The following KCNH7 variants were observed in gnomAD, a reference collection of about 807,000 sequenced individuals.
KCNH7 encodes voltage-gated inwardly rectifying potassium channel KCNH7.
A neutral mutation model predicts 120.8 loss-of-function variants in KCNH7; 49 were observed. The ratio of observed to expected loss-of-function variants is 0.41; its 90% CI spans 0.32 to 0.51. KCNH7 has a LOEUF of 0.51. Ranked by LOEUF, KCNH7 falls within the 20% of genes least tolerant of loss-of-function variation. The pLI, the probability that KCNH7 is intolerant of heterozygous loss-of-function variation, is 0.38. For synonymous variants in KCNH7, 547 were observed against 516.1 expected (o/e 1.06, Z -0.81); for missense variants, 1,097 against 1,446.6 (o/e 0.76, Z 3.92).
chr2:162,650,466 A>T (rs1472200942), intron 2 of KCNH7, among the ~76,000 whole-genome samples: 1 of 152,168 alleles, frequency 6.6e-6, no homozygotes, highest in Non-Finnish European at 1.5e-5. Flanking sequence ...GATATCTACA[A>T]AAGTATGAAA....
At chr2:162,743,509 T>C (rs1181803089) in intron 2 of KCNH7, among the ~76,000 whole-genome samples, 1 of 152,050 alleles carries the variant, frequency 6.6e-6, no homozygotes, top group Non-Finnish European at 1.5e-5. Flanking sequence ...AGCACAAACT[T>C]ACTAACAGAA....
intron 2 of KCNH7, among the ~76,000 whole-genome samples, chr2:162,803,583 T>C (rs1020505829): frequency 6.6e-6 from 1 of 151,700 alleles, no homozygotes; most frequent in Non-Finnish European, 1.5e-5. Context: ...TGAGATAATA[T>C]AGAACTTTAC....
chr2:162,696,933 A>G (rs1199255826), intron 2 of KCNH7, among the ~76,000 whole-genome samples: 19 of 152,172 alleles, frequency 1.2e-4, no homozygotes, highest in Admixed American at 1.2e-3. Flanking sequence ...ACAGGAAATC[A>G]TTTTATCTTG....
intron 2 of KCNH7, among the ~76,000 whole-genome samples, chr2:162,574,967 A>C (rs1693620811): frequency 1.3e-5 from 2 of 152,120 alleles, no homozygotes; most frequent in Admixed American, 6.6e-5. Flanking sequence ...TGTATGAGCT[A>C]TCCTTGGCAT....
At chr2:162,828,453 A>T (rs1685364539) in intron 2 of KCNH7, among the ~76,000 whole-genome samples, 1 of 152,140 alleles carries the variant, frequency 6.6e-6, no homozygotes, top group African/African-American at 2.4e-5. Context: ...TGGGCAACAG[A>T]CATTTTAACT....
At chr2:162,427,942 A>T (rs1036032153) in intron 8 of KCNH7, among the ~76,000 whole-genome samples, 3 of 151,618 alleles carry the variant, frequency 2.0e-5, no homozygotes, top group Non-Finnish European at 4.4e-5. Flanking sequence ...TATCAGTTTG[A>T]CTGATTTTAA....
At chr2:162,387,769 A>G (rs1444270895) in intron 12 of KCNH7, among the ~76,000 whole-genome samples, 1 of 151,774 alleles carries the variant, frequency 6.6e-6, no homozygotes, top group Admixed American at 6.6e-5. Flanking sequence ...TGTATTCAAG[A>G]GCATAGAATA....
intron 2 of KCNH7, among the ~76,000 whole-genome samples, chr2:162,597,804 T>A (rs1042124476): frequency 1.3e-5 from 2 of 152,094 alleles, no homozygotes; most frequent in African/African-American, 4.8e-5. Flanking sequence ...TTTCATTGTA[T>A]CCCATAAGTA....
chr2:162,802,386 T>A (rs1259828421), intron 2 of KCNH7, among the ~76,000 whole-genome samples: 2 of 151,776 alleles, frequency 1.3e-5, no homozygotes, highest in African/African-American at 4.8e-5. Context: ...TGAATTAGAA[T>A]CTTTAAGAGC....
intron 3 of KCNH7, among the ~76,000 whole-genome samples, chr2:162,527,572 C>G (rs1276779233): frequency 6.6e-6 from 1 of 151,706 alleles, no homozygotes; most frequent in Non-Finnish European, 1.5e-5. Flanking sequence ...AGTATTGAGT[C>G]CAAAGCATAT....
chr2:162,733,137 G>A (rs971329479), intron 2 of KCNH7, among the ~76,000 whole-genome samples: 3 of 152,072 alleles, frequency 2.0e-5, no homozygotes, highest in Non-Finnish European at 4.4e-5. Context: ...GCTATGAATC[G>A]ACAATCATCA....
Position 162,629,043 on chromosome 2 carries a change from C to A in KCNH7, c.308-91963G>T, listed in dbSNP as rs1172402671. Among the ~76,000 whole-genome samples the A allele has an allele frequency of 3.3e-5, 5 of 152,112 alleles. 1 individual carries two copies. Among genetic ancestry groups the A allele is most frequent in the Non-Finnish European group, 5.9e-5 (4 of 68,012 alleles). On this transcript the variant is annotated intron_variant, in intron 2 of 15. Transcript: ENST00000332142. Reference sequence around the variant, plus strand: ...TCAATCAATGCCACCCCCACCCACACCATCACCACATACACACAAGTTTTC... The same window carrying A: ...TCAATCAATGCCACCCCCACCCACAACATCACCACATACACACAAGTTTTC...
chr2:162,384,783 GA>G lies in KCNH7; in HGVS notation c.2866del (p.Ser956LeufsTer4). 6.2e-7 allele frequency: 1 copy of G among 1,612,838 alleles called. No homozygotes were observed. Among genetic ancestry groups the G allele is most frequent in the Non-Finnish European group, 8.5e-7 (1 of 1,179,124 alleles). On this transcript the variant is annotated frameshift_variant, in exon 13 of 16. Coordinates refer to ENST00000332142, the MANE Select transcript of KCNH7 (RefSeq NM_033272.4). LOFTEE classifies it high-confidence loss of function. ...CCCAGATGCTTTCCCTATTCCTGGA[GA>G]AGAGTCTACTATTCCTGAGAAGAGC... The part of the protein sequence containing the change: ...KPLFSGIVDS[S>X]PGIGKASGLD...
intron 2 of KCNH7, among the ~76,000 whole-genome samples, chr2:162,639,456 T>A (rs576557653): frequency 2.0e-5 from 3 of 152,066 alleles, no homozygotes; most frequent in Non-Finnish European, 4.4e-5. Flanking sequence ...TAGAAATGGA[T>A]CGAGTGAGGA....
rs140225651 is a variant in KCNH7 at position 162,615,994 on chromosome 2, G to C, written c.308-78914C>G. ...AAATTAGAGATAGGAAAATTGCTGA[G>C]ATGAGTTTCTACACTATGGTTTTGT... On this transcript the variant is annotated intron_variant, in intron 2 of 15. Coordinates refer to ENST00000332142, the MANE Select transcript of KCNH7 (RefSeq NM_033272.4). Among the ~76,000 whole-genome samples, 80 of 152,280 alleles carry C rather than the reference G, an allele frequency of 5.3e-4. 1 individual carries two copies. The East Asian group carries it at 0.014, about 27-fold the overall frequency.
intron 2 of KCNH7, among the ~76,000 whole-genome samples, chr2:162,538,703 G>A (rs16846847): frequency 0.035 from 5,373 of 152,094 alleles, 426 homozygotes; most frequent in Admixed American, 0.19. Flanking sequence ...AAGCTATTAT[G>A]GAGACCGCCA....
intron 2 of KCNH7, among the ~76,000 whole-genome samples, chr2:162,711,487 G>C (rs986874371): frequency 6.6e-6 from 1 of 152,190 alleles, no homozygotes; most frequent in African/African-American, 2.4e-5. Context: ...AACAAAAATC[G>C]CAAGTAGTAC....
chr2:162,475,249 T>A (rs1331834685), intron 6 of KCNH7, among the ~76,000 whole-genome samples: 1 of 152,182 alleles, frequency 6.6e-6, no homozygotes, highest in Non-Finnish European at 1.5e-5. Context: ...CTTAAAAGAA[T>A]TTTTCCAGGA....
At chr2:162,583,001 A>C (rs989118288) in intron 2 of KCNH7, among the ~76,000 whole-genome samples, 2 of 152,048 alleles carry the variant, frequency 1.3e-5, no homozygotes, top group Non-Finnish European at 2.9e-5. Context: ...GCTTAGTGAG[A>C]GTGAGACATT....
Sources: allele counts gnomAD v4.1 joint callset (sites outside exome capture counted in the v4.1 genomes callset), GRCh38; gene constraint gnomAD v4.1.1; transcripts MANE v1.5; gene names NCBI Gene and HGNC (gene_info 2026-07-23, HGNC 2026-07-21).